Variants in ERGIC1 observed in about 807,000 individuals in gnomAD.
ERGIC1 encodes the protein endoplasmic reticulum-golgi intermediate compartment 1.
In ERGIC1, 19 loss-of-function variants were observed where a neutral mutation model predicts 38.3. That is an observed-to-expected ratio of 0.50 (90% CI 0.35 to 0.73). ERGIC1 has a LOEUF of 0.73. ERGIC1 is among the 30% of genes least tolerant of loss of function. The pLI is 0.01. For missense variants in ERGIC1, 294 were observed against 389.2 expected (o/e 0.76, Z 2.06); for synonymous variants, 124 against 157.6 (o/e 0.79, Z 1.60).
intron 1 of ERGIC1, among the ~76,000 whole-genome samples, chr5:172,863,685 A>G (rs1677459762): frequency 6.6e-6 from 1 of 152,180 alleles, no homozygotes; most frequent in Admixed American, 6.5e-5. Context: ...AAAGAAAGAA[A>G]AAAACCAAAC....
At chr5:172,919,546 TG>T (rs1453523744) in intron 5 of ERGIC1, among the ~76,000 whole-genome samples, 1 of 152,198 alleles carries the variant, frequency 6.6e-6, no homozygotes, top group Non-Finnish European at 1.5e-5. Flanking sequence ...ACTTGTCCTT[TG>T]GGGTCAGACA....
In ERGIC1 at chr5:172,950,846, C is replaced by G. The variant is rs1284900754; in HGVS notation, c.*30C>G. On this transcript the variant is annotated 3_prime_UTR_variant, in exon 10 of 10. Coordinates refer to ENST00000393784, the MANE Select transcript of ERGIC1 (RefSeq NM_001031711.3). ...ACACCCAGCCTAATGGCCGAGGACCCTGGGCATCGCCAGCCTTGCCTCCAG... is the reference window on the plus strand; with the variant it reads ...ACACCCAGCCTAATGGCCGAGGACCGTGGGCATCGCCAGCCTTGCCTCCAG... 15 of 1,577,842 alleles carry G rather than the reference C, an allele frequency of 9.5e-6. No individual in the cohort carries two copies. The highest frequency in any genetic ancestry group is 1.3e-5 in the Non-Finnish European group (15 of 1,153,722).
chr5:172,884,244 GTTTTTTT>G lies in ERGIC1; in HGVS notation c.21-4435_21-4429del, dbSNP rs71579704. Among the ~76,000 whole-genome samples the G allele has an allele frequency of 2.2e-4, 20 of 90,608 alleles. No homozygotes were observed. The South Asian group carries it at 7.3e-3, about 33-fold the overall frequency. The allele number at this position is 90,608 out of a possible 152,430, so 59.4% of individuals were successfully genotyped here. ...ATTCTTCGGCCAGTGGGAACCCCAA[GTTTTTTT>G]TTTTTTTTTTTTTTTTTTTAAAGAC... On this transcript the variant is annotated intron_variant, in intron 1 of 9. Transcript: ENST00000393784.
At chr5:172,875,275 C>T (rs991558605) in intron 1 of ERGIC1, among the ~76,000 whole-genome samples, 9 of 152,128 alleles carry the variant, frequency 5.9e-5, no homozygotes, top group African/African-American at 2.2e-4. Context: ...GGTGTTGGCT[C>T]AGCATCTCAA....
At chr5:172,910,649 C>CG (rs1243371313) in intron 4 of ERGIC1, among the ~76,000 whole-genome samples, 1 of 151,884 alleles carries the variant, frequency 6.6e-6, no homozygotes, top group Non-Finnish European at 1.5e-5. Flanking sequence ...CTCAGCCTCC[C>CG]GAGTAGCTGG....
chr5:172,921,374 C>T (rs1310683237), intron 5 of ERGIC1, among the ~76,000 whole-genome samples: 1 of 152,270 alleles, frequency 6.6e-6, no homozygotes, highest in Non-Finnish European at 1.5e-5. Flanking sequence ...AGTGTCCCTT[C>T]TCCACTGTAG....
In ERGIC1 at chr5:172,951,105, C is replaced by T. The variant is rs1764220644; in HGVS notation, c.*289C>T. On this transcript the variant is annotated 3_prime_UTR_variant, in exon 10 of 10. Coordinates refer to ENST00000393784, the MANE Select transcript of ERGIC1 (RefSeq NM_001031711.3). Reference sequence around the variant, plus strand: ...AGTCCAGGGATCTTGGGGACCCCTCCTAGGAGAGCTGCAGTCTCTTCCCTC... The same window carrying T: ...AGTCCAGGGATCTTGGGGACCCCTCTTAGGAGAGCTGCAGTCTCTTCCCTC... The T allele has an allele frequency of 9.9e-6, 3 of 302,054 alleles. No homozygotes were observed. Among genetic ancestry groups the T allele is most frequent in the Non-Finnish European group, 1.9e-5 (3 of 161,576 alleles). 18.7% of individuals were successfully genotyped at this position (302,054 alleles called of 1,614,324 possible).
chr5:172,948,392 G>A (rs1764167451), intron 9 of ERGIC1, among the ~76,000 whole-genome samples: 1 of 152,246 alleles, frequency 6.6e-6, no homozygotes, highest in Non-Finnish European at 1.5e-5. Context: ...CATCTATTAA[G>A]GTGTTCTTGG....
chr5:172,876,188 A>T (rs1389527981), intron 1 of ERGIC1, among the ~76,000 whole-genome samples: 2 of 152,228 alleles, frequency 1.3e-5, no homozygotes, highest in African/African-American at 2.4e-5. Flanking sequence ...GCATTCAGGC[A>T]GGGGCAGCCT....
intron 1 of ERGIC1, among the ~76,000 whole-genome samples, chr5:172,880,251 G>A (rs188687696): frequency 1.3e-5 from 2 of 152,168 alleles, no homozygotes; most frequent in Admixed American, 1.3e-4. Context: ...TGGCTAGGAT[G>A]GTCTCGAACT....
intron 1 of ERGIC1, among the ~76,000 whole-genome samples, chr5:172,882,405 G>C (rs992832887): frequency 1.2e-4 from 19 of 152,186 alleles, no homozygotes; most frequent in African/African-American, 4.6e-4. Context: ...AGCATCCTTG[G>C]AAAAGCAGAT....
chr5:172,853,058 C>T (rs1438464118), intron 1 of ERGIC1, among the ~76,000 whole-genome samples: 3 of 152,086 alleles, frequency 2.0e-5, no homozygotes, highest in Admixed American at 6.5e-5. Flanking sequence ...GTCCAAGAAG[C>T]GCCTGTGTGT....
At chr5:172,905,390 C>G (rs892457417) in intron 3 of ERGIC1, 1 of 466,768 alleles carries the variant, frequency 2.1e-6, no homozygotes, top group African/African-American at 2.0e-5. Flanking sequence ...CGATCCTCCT[C>G]GGGCCTGTTA....
intron 9 of ERGIC1, among the ~76,000 whole-genome samples, chr5:172,941,797 C>G (rs940567464): frequency 2.6e-5 from 4 of 152,224 alleles, no homozygotes; most frequent in African/African-American, 9.6e-5. Context: ...TGATAGTTTG[C>G]AAGTTTTCCT....
chr5:172,887,267 G>A (rs1033872025), intron 1 of ERGIC1, among the ~76,000 whole-genome samples: 2 of 152,192 alleles, frequency 1.3e-5, no homozygotes, highest in Admixed American at 6.5e-5. Context: ...AGCAAGTCAA[G>A]TTCTGTCTGA....
chr5:172,935,465 A>G, intron 9 of ERGIC1, 155 bp downstream of exon 9: 2 of 896,332 alleles, frequency 2.2e-6, no homozygotes, highest in Non-Finnish European at 1.7e-6. Flanking sequence ...TTCGACCCCA[A>G]GGATGCTGAG....
At chr5:172,844,483 G>C (rs1761237393) in intron 1 of ERGIC1, among the ~76,000 whole-genome samples, 1 of 152,262 alleles carries the variant, frequency 6.6e-6, no homozygotes. Context: ...ATGACAGGCA[G>C]GGTGCCGCCT....
intron 7 of ERGIC1, among the ~76,000 whole-genome samples, chr5:172,930,532 G>A (rs879370602): frequency 2.2e-4 from 34 of 151,952 alleles, no homozygotes; most frequent in African/African-American, 6.3e-4. Context: ...TAGTAGAGAT[G>A]GGGTTTCACC....
At chr5:172,890,934 G>A (rs1696183042) in intron 2 of ERGIC1, among the ~76,000 whole-genome samples, 1 of 152,242 alleles carries the variant, frequency 6.6e-6, no homozygotes, top group South Asian at 2.1e-4. Context: ...GAGCCCTGAG[G>A]AAGGGACAGC....
Sources: allele counts gnomAD v4.1 joint callset (sites outside exome capture counted in the v4.1 genomes callset), GRCh38; gene constraint gnomAD v4.1.1; transcripts MANE v1.5; gene names NCBI Gene and HGNC (gene_info 2026-07-23, HGNC 2026-07-21).